The following SYT16 variants were observed in gnomAD, a reference collection of about 807,000 sequenced individuals.
The protein encoded by SYT16 is synaptotagmin-16.
SYT16 carries 42 observed loss-of-function variants against 61.4 expected under a neutral mutation model. The ratio of observed to expected loss-of-function variants is 0.68; its 90% confidence interval spans 0.53 to 0.89. The LOEUF (loss-of-function observed/expected upper bound fraction) is 0.89, where lower values mean the gene tolerates loss of function less well. Ranked by LOEUF, SYT16 falls within the 40% of genes least tolerant of loss-of-function variation. The pLI, the probability that SYT16 is intolerant of heterozygous loss-of-function variation, is 0.00. For missense variants in SYT16, 804 were observed against 807.3 expected (o/e 1.00, Z 0.05); for synonymous variants, 314 against 302.3 (o/e 1.04, Z -0.40).
At chr14:61,965,317 A>G (rs1595035944) in intron 1 of SYT16, among the ~76,000 whole-genome samples, 2 of 152,206 alleles carry the variant, frequency 1.3e-5, no homozygotes, top group South Asian at 4.1e-4. Flanking sequence ...TAACATAGCT[A>G]TGGCTAAGAG....
At chr14:61,944,971 T>G (rs1211324675) in intron 1 of SYT16, among the ~76,000 whole-genome samples, 2 of 151,836 alleles carry the variant, frequency 1.3e-5, no homozygotes, top group Non-Finnish European at 1.5e-5. Flanking sequence ...CGGGAGAAAA[T>G]TTTTGCAATC....
In SYT16 at chr14:61,994,040, A is replaced by AGAGCATATG. The variant is rs1373551747; in HGVS notation, c.-144-1835_-144-1827dup. On this transcript the variant is annotated intron_variant, in intron 2 of 7. Coordinates refer to ENST00000683842, the MANE Select transcript of SYT16 (RefSeq NM_001367656.1). ...CAGAATGAATTGAGTCTGGGTAAGAAGAGCATATGAAGCGAACTAGGTATG... is the reference window on the plus strand; with the variant it reads ...CAGAATGAATTGAGTCTGGGTAAGAAGAGCATATGGAGCATATGAAGCGAACTAGGTATG... 2.6e-5 allele frequency among the ~76,000 whole-genome samples: 4 copies of AGAGCATATG among 152,292 alleles called. No individual in the cohort carries two copies. In the South Asian group the frequency reaches 6.2e-4, roughly 24 times the overall value.
In SYT16 at chr14:61,834,170, G is replaced by T. The variant is rs190151045; in HGVS notation, c.-325+21360G>T. Among the ~76,000 whole-genome samples, 671 of 151,922 alleles carry T rather than the reference G, an allele frequency of 4.4e-3. 6 individuals carry two copies. Among genetic ancestry groups the T allele is most frequent in the African/African-American group, 0.016 (647 of 41,440 alleles). On this transcript the variant is annotated intron_variant, in intron 1 of 7. Transcript: ENST00000683842. ...TTTTGAGATGGAGTCTCCCACTGTC[G>T]CCTGGGCTGGAGAGCAGTGGTGCGA... is the stretch of plus-strand genomic sequence containing the variant.
intron 3 of SYT16, among the ~76,000 whole-genome samples, chr14:62,053,121 AGAG>A (rs2055385905): frequency 6.6e-6 from 1 of 152,234 alleles, no homozygotes; most frequent in Non-Finnish European, 1.5e-5. Context: ...GGCTCAGAAA[AGAG>A]GAGAGCTCTA....
chr14:61,974,889 A>T (rs371719148), intron 2 of SYT16, among the ~76,000 whole-genome samples: 10 of 152,314 alleles, frequency 6.6e-5, no homozygotes, highest in South Asian at 2.1e-4. Flanking sequence ...AGTTGGTAGA[A>T]AGGCCCAACT....
At chr14:61,913,593 G>A (rs112300774) in intron 1 of SYT16, among the ~76,000 whole-genome samples, 1 of 151,244 alleles carries the variant, frequency 6.6e-6, no homozygotes, top group Non-Finnish European at 1.5e-5. Context: ...TGATGGAAAT[G>A]AAAGAAAATA....
rs138037137 is a variant in SYT16, at chr14:61,853,878, A to G, written c.-325+41068A>G. Among the ~76,000 whole-genome samples the G allele has an allele frequency of 3.2e-3, 480 of 152,324 alleles. 2 individuals carry two copies. Among genetic ancestry groups the G allele is most frequent in the African/African-American group, 0.011 (439 of 41,580 alleles). Reference sequence around the variant, plus strand: ...ACCTTTGGAATTATTAGGATTTCTCATGGACATCTTATTCATCAAGGACAT... The same window carrying G: ...ACCTTTGGAATTATTAGGATTTCTCGTGGACATCTTATTCATCAAGGACAT... On this transcript the variant is annotated intron_variant, in intron 1 of 7. Coordinates refer to ENST00000683842, the MANE Select transcript of SYT16 (RefSeq NM_001367656.1).
chr14:62,051,948 C>G (rs1205517584), intron 3 of SYT16, among the ~76,000 whole-genome samples: 2 of 152,150 alleles, frequency 1.3e-5, no homozygotes, highest in Admixed American at 6.5e-5. Flanking sequence ...TGGAGGATCC[C>G]TTGAGCCTGG....
intron 3 of SYT16, among the ~76,000 whole-genome samples, chr14:62,031,137 C>T (rs2054294737): frequency 6.6e-6 from 1 of 152,154 alleles, no homozygotes; most frequent in African/African-American, 2.4e-5. Flanking sequence ...GCTTTAAAGT[C>T]TCTTTGAAAA....
Position 61,823,644 on chromosome 14 carries a change from C to T in SYT16, c.-325+10834C>T, listed in dbSNP as rs549263668. Among the ~76,000 whole-genome samples the T allele has an allele frequency of 3.2e-4, 48 of 150,562 alleles. 1 individual carries two copies. Among genetic ancestry groups the T allele is most frequent in the Admixed American group, 1.2e-3 (18 of 15,176 alleles). On this transcript the variant is annotated intron_variant, in intron 1 of 7. Coordinates refer to ENST00000683842, the MANE Select transcript of SYT16 (RefSeq NM_001367656.1). The stretch of plus-strand genomic sequence containing the variant: ...GTGCACACCTGTAACCCTAGGTACT[C>T]GGGAGGATGAGGCAGGAGAATCGCT...
intron 1 of SYT16, among the ~76,000 whole-genome samples, chr14:61,816,855 C>CA (rs1175942440): frequency 2.0e-5 from 3 of 151,480 alleles, no homozygotes. Flanking sequence ...ACTAAAAATA[C>CA]AAAAAATTAG....
intron 1 of SYT16, among the ~76,000 whole-genome samples, chr14:61,870,934 C>T (rs1420267991): frequency 6.6e-6 from 1 of 152,150 alleles, no homozygotes; most frequent in Non-Finnish European, 1.5e-5. Flanking sequence ...CCCTCCCACT[C>T]CCACTCCCCA....
chr14:61,884,563 C>T (rs376591215), intron 1 of SYT16, among the ~76,000 whole-genome samples: 25 of 152,290 alleles, frequency 1.6e-4, no homozygotes, highest in African/African-American at 5.8e-4. Flanking sequence ...GCAAGAAAGC[C>T]TGACCAGTTG....
intron 1 of SYT16, among the ~76,000 whole-genome samples, chr14:61,828,420 CA>C (rs772964776): frequency 2.6e-5 from 4 of 152,186 alleles, no homozygotes; most frequent in Non-Finnish European, 5.9e-5. Context: ...CCCTTCTGTC[CA>C]AATAACTTCC....
At chr14:61,996,625 A>G in intron 3 of SYT16, 83 bp downstream of exon 3, 1 of 1,484,502 alleles carries the variant, frequency 6.7e-7, no homozygotes, top group East Asian at 2.3e-5. Flanking sequence ...TTTAGTTATC[A>G]TGTGGATTTT....
At chr14:61,856,297 A>G (rs927955879) in intron 1 of SYT16, among the ~76,000 whole-genome samples, 1 of 152,220 alleles carries the variant, frequency 6.6e-6, no homozygotes, top group Non-Finnish European at 1.5e-5. Flanking sequence ...TGACAGTGGC[A>G]TCAGGTAGAA....
chr14:61,934,611 A>G lies in SYT16; in HGVS notation c.-324-35521A>G, dbSNP rs142390664. On this transcript the variant is annotated intron_variant, in intron 1 of 7. Transcript: ENST00000683842. ...AGTTATTTCACCACATTGAGATTTT[A>G]TTGTGGTGACCCAAAAGCGTTGGAT... Among the ~76,000 whole-genome samples the G allele has an allele frequency of 2.9e-4, 44 of 152,314 alleles. No homozygotes were observed. In the East Asian group the frequency reaches 7.5e-3, roughly 26 times the overall value.
At chr14:61,998,495 A>G in intron 3 of SYT16, among the ~76,000 whole-genome samples, 1 of 151,944 alleles carries the variant, frequency 6.6e-6, no homozygotes, top group Non-Finnish European at 1.5e-5. Flanking sequence ...AACGCGTTTG[A>G]GATTCATCCA....
chr14:61,835,558 A>G (rs2046101817), intron 1 of SYT16, among the ~76,000 whole-genome samples: 1 of 151,210 alleles, frequency 6.6e-6, no homozygotes, highest in Non-Finnish European at 1.5e-5. Flanking sequence ...GCGCCCGGCC[A>G]GGTGACTTTT....
Sources: gnomAD v4.1 joint callset for allele counts (sites outside exome capture counted in the v4.1 genomes callset) on GRCh38, gnomAD v4.1.1 for gene constraint, MANE v1.5 for transcripts, NCBI Gene and HGNC (gene_info 2026-07-23, HGNC 2026-07-21) for gene names.